RBM41: variants seen among roughly 807,000 people sequenced by gnomAD.
The protein encoded by RBM41 is RNA binding motif protein 41.
In RBM41, 14 loss-of-function variants were observed where a neutral mutation model predicts 30.8. That is an observed-to-expected ratio of 0.45 (90% CI 0.30 to 0.71). The LOEUF (loss-of-function observed/expected upper bound fraction) is 0.71. Among genes scored for constraint, RBM41 ranks in the 30% least tolerant of loss-of-function variants. The pLI, the probability that RBM41 is intolerant of heterozygous loss-of-function variation, is 0.08. For missense variants in RBM41, 276 were observed against 326.3 expected (o/e 0.85, Z 1.19); for synonymous variants, 120 against 110.1 (o/e 1.09, Z -0.56).
chrX:107,060,187 G>A (rs1277781214), downstream of RBM41, among the ~76,000 whole-genome samples: 6 of 109,750 alleles, frequency 5.5e-5, no homozygotes, highest in African/African-American at 1.3e-4. Context: ...CATCCATGCT[G>A]ATATAAATAC....
chrX:107,095,204 A>T (rs1229286208), intron 5 of RBM41, among the ~76,000 whole-genome samples: 1 of 109,940 alleles, frequency 9.1e-6, no homozygotes, highest in East Asian at 2.8e-4. Flanking sequence ...GTCTTTATTC[A>T]CAGGAAATAG....
intron 6 of RBM41, among the ~76,000 whole-genome samples, chrX:107,081,452 T>C (rs61601569): frequency 0.053 from 5,931 of 111,376 alleles, 407 homozygotes; most frequent in African/African-American, 0.19. Context: ...GTAGTGTCAG[T>C]CCTTCAAATT....
At chrX:107,055,355 T>C in the RBM41 span, among the ~76,000 whole-genome samples, 1 of 112,010 alleles carries the variant, frequency 8.9e-6, no homozygotes, top group East Asian at 2.8e-4. Flanking sequence ...GACGGAGTCT[T>C]GCTCTGTCAC....
rs191488036 is a variant in RBM41, at chrX:107,062,684, C to T, written c.*4843G>A. On this transcript the variant is annotated 3_prime_UTR_variant, in exon 8 of 8. Transcript: ENST00000685964. ...AGTAAAAATCACCCCAAAATCACAC[C>T]ACTTTAAAAATTTTACAAAGTGAAA... Among the ~76,000 whole-genome samples the T allele has an allele frequency of 7.3e-5, 8 of 110,288 alleles. No individual in the cohort carries two copies. Among genetic ancestry groups the T allele is most frequent in the African/African-American group, 2.3e-4 (7 of 30,371 alleles).
intron 6 of RBM41, 168 bp from the exon 7 acceptor site, chrX:107,069,570 T>G (rs1935970646): frequency 2.2e-6 from 1 of 445,107 alleles, no homozygotes; most frequent in East Asian, 4.5e-5. Flanking sequence ...TTCTCATGCC[T>G]CAGCCTCCCG....
In RBM41 at chrX:107,087,930, G is replaced by C. The variant is rs190840765; in HGVS notation, c.999+506C>G. The stretch of plus-strand genomic sequence containing the variant: ...TTGGACAATTTCTTAAAGCTTATAG[G>C]ACCTTTTCACTTTGCTGCTTTGCCA... On this transcript the variant is annotated intron_variant, in intron 6 of 7. Transcript: ENST00000685964. Among the ~76,000 whole-genome samples, 44 of 111,828 alleles carry C rather than the reference G, an allele frequency of 3.9e-4. No individual in the cohort carries two copies. In the South Asian group the frequency reaches 4.5e-3, roughly 12 times the overall value.
chrX:107,098,838 T>C (rs752371139), intron 5 of RBM41, among the ~76,000 whole-genome samples: 48 of 110,370 alleles, frequency 4.3e-4, no homozygotes, highest in Admixed American at 1.7e-3. Context: ...CCACCTCTAC[T>C]AAAAATACAA....
intron 6 of RBM41, among the ~76,000 whole-genome samples, chrX:107,085,353 A>G (rs1246951369): frequency 9.8e-6 from 1 of 102,301 alleles, no homozygotes; most frequent in African/African-American, 3.6e-5. Context: ...TGCAACCTCC[A>G]CCTCCTGGGT....
intron 6 of RBM41, among the ~76,000 whole-genome samples, chrX:107,080,549 G>A (rs1921418324): frequency 9.0e-6 from 1 of 111,559 alleles, no homozygotes; most frequent in African/African-American, 3.3e-5. Flanking sequence ...CTGCACTCCA[G>A]TCTGGGTGAC....
Position 107,065,636 on chromosome X carries a change from T to A in RBM41, c.*1891A>T. 2 of 697,446 alleles carry A rather than the reference T, an allele frequency of 2.9e-6. No homozygotes were observed. Among genetic ancestry groups the A allele is most frequent in the Non-Finnish European group, 2.0e-6 (1 of 500,999 alleles). The allele number at this position is 697,446 out of a possible 1,213,427, so 57.5% of individuals were successfully genotyped here. On this transcript the variant is annotated 3_prime_UTR_variant, in exon 8 of 8. Coordinates refer to ENST00000685964, the MANE Select transcript of RBM41 (RefSeq NM_001324242.2). ...GAGAAGAGTAAGTATATGTTTATAG[T>A]TTTTTTATATTAAACTTATTTCCTA... is the stretch of plus-strand genomic sequence containing the variant.
At chrX:107,055,905 G>C in the RBM41 span, among the ~76,000 whole-genome samples, 1 of 112,033 alleles carries the variant, frequency 8.9e-6, no homozygotes, top group African/African-American at 3.2e-5. Flanking sequence ...TTTCATCTAA[G>C]AGTTTTATGG....
chrX:107,066,249 T>C lies in RBM41; in HGVS notation c.*1278A>G, dbSNP rs1935833942. On this transcript the variant is annotated 3_prime_UTR_variant, in exon 8 of 8. Transcript: ENST00000685964. The stretch of plus-strand genomic sequence containing the variant: ...CTCGTATTGCTGTTAAGATTTTCTT[T>C]TCGTTTTTGGGTTTTAGCATTTTTC... 9.0e-6 allele frequency: 1 copy of C among 111,565 alleles called. No individual in the cohort carries two copies. The highest frequency in any genetic ancestry group is 1.9e-5 in the Non-Finnish European group (1 of 53,096). 9.2% of individuals were successfully genotyped at this position (111,565 alleles called of 1,213,427 possible).
At chrX:107,058,313 AAAAAT>A (rs1361018917), downstream of RBM41, among the ~76,000 whole-genome samples, 232 of 101,750 alleles carry the variant, frequency 2.3e-3, 2 homozygotes, top group African/African-American at 8.3e-3. Context: ...AAAAAAAAAA[AAAAAT>A]GATCTTTGAT....
intron 6 of RBM41, among the ~76,000 whole-genome samples, chrX:107,081,094 A>C (rs1461582095): frequency 2.7e-5 from 3 of 111,952 alleles, no homozygotes; most frequent in African/African-American, 9.7e-5. Context: ...ATACATCATC[A>C]AACACAAGGT....
intron 5 of RBM41, among the ~76,000 whole-genome samples, chrX:107,105,100 A>G (rs1444374662): frequency 9.0e-6 from 1 of 111,407 alleles, no homozygotes; most frequent in Non-Finnish European, 1.9e-5. Flanking sequence ...AGATGACACA[A>G]TTGTATATCT....
At position 107,082,308 on chromosome X, in the gene RBM41, A is replaced by G. The variant is rs760354243; in HGVS notation, c.999+6128T>C. Among the ~76,000 whole-genome samples, 6 of 112,133 alleles carry G rather than the reference A, an allele frequency of 5.4e-5. No homozygotes were observed. In the South Asian group the frequency reaches 2.2e-3, roughly 41 times the overall value. ...CTTTAGTCTATTGATGTGGCAGATT[A>G]TATTAATTGAATTTCAAATGTTGAA... On this transcript the variant is annotated intron_variant, in intron 6 of 7. Transcript: ENST00000685964.
chrX:107,090,717 A>T (rs1181487316), intron 5 of RBM41, among the ~76,000 whole-genome samples: 2 of 111,883 alleles, frequency 1.8e-5, no homozygotes, highest in Non-Finnish European at 3.8e-5. Context: ...TGTTGTTTCC[A>T]GGCCTTTTCA....
intron 5 of RBM41, among the ~76,000 whole-genome samples, chrX:107,104,971 C>A (rs1923818629): frequency 2.7e-5 from 3 of 110,105 alleles, no homozygotes; most frequent in African/African-American, 9.9e-5. Flanking sequence ...ACAGGGATGC[C>A]CTCTCTCACC....
chrX:107,105,016 A>G (rs1416847135), intron 5 of RBM41, among the ~76,000 whole-genome samples: 4 of 110,256 alleles, frequency 3.6e-5, no homozygotes, highest in African/African-American at 1.3e-4. Flanking sequence ...AGTTCTGGCC[A>G]GGGCAATCAG....
Sources: gnomAD v4.1 joint callset for allele counts (sites outside exome capture counted in the v4.1 genomes callset) on GRCh38, gnomAD v4.1.1 for gene constraint, MANE v1.5 for transcripts, NCBI Gene and HGNC (gene_info 2026-07-23, HGNC 2026-07-21) for gene names.